Variants in FBLN1 observed in about 807,000 individuals in gnomAD.
FBLN1 encodes fibulin-1.
Under a neutral mutation model 89.7 loss-of-function variants are expected in FBLN1, and 34 were observed. The ratio of observed to expected loss-of-function variants is 0.38; its 90% CI spans 0.29 to 0.50. FBLN1 has a LOEUF of 0.50. Ranked by LOEUF, FBLN1 falls within the 20% of genes least tolerant of loss-of-function variation. The probability of loss-of-function intolerance (pLI) is 0.92; values close to 1 mark genes in which losing one functional copy is unlikely to be tolerated. For missense variants in FBLN1, 777 were observed against 988.1 expected, an observed-to-expected ratio of 0.79 and a Z score of 2.86; for synonymous variants, 393 against 391.3, an observed-to-expected ratio of 1.00 and a Z score of -0.05.
chr22:45,579,942 CGAGCCCAGCCT>C lies in FBLN1; in HGVS notation c.1972+2837_1972+2847del, dbSNP rs2089029008. On this transcript the variant is annotated intron_variant, in intron 16 of 16. Coordinates refer to ENST00000327858, the MANE Select transcript of FBLN1 (RefSeq NM_006486.3). The surrounding 1 kb of genome is among the most constrained non-coding windows in gnomAD (Gnocchi z 5.5). ...TAATAGATGGTTCCACCGTTGGACTCGAGCCCAGCCTGAAGCAGCCCTGAAAACGTGGGGTT... is the reference window on the plus strand; with the variant it reads ...TAATAGATGGTTCCACCGTTGGACTCGAAGCAGCCCTGAAAACGTGGGGTT... Among the ~76,000 whole-genome samples the C allele has an allele frequency of 6.6e-6, 1 of 152,012 alleles. No individual in the cohort carries two copies. Among genetic ancestry groups the C allele is most frequent in the South Asian group, 2.1e-4 (1 of 4,818 alleles).
chr22:45,526,248 G>C (rs1038081224), intron 3 of FBLN1, among the ~76,000 whole-genome samples: 4 of 152,350 alleles, frequency 2.6e-5, no homozygotes, highest in Non-Finnish European at 5.9e-5. Flanking sequence ...AAGGTAAGCT[G>C]TGAATAAATG....
At chr22:45,569,084 G>A (rs111867867) in intron 14 of FBLN1, among the ~76,000 whole-genome samples, 208 of 152,276 alleles carry the variant, frequency 1.4e-3, no homozygotes, top group African/African-American at 4.5e-3. Context: ...TGCAATGACC[G>A]TAGTTTCCAG....
In FBLN1 at chr22:45,562,989, C is replaced by G; in HGVS notation, c.1698-11522C>G. ...CTGAGAATAACCTACTACCACCTCT[C>G]TTTCCCCACCAACATCCAAGCGCCC... On this transcript the variant is annotated intron_variant, in intron 14 of 16. Coordinates refer to ENST00000327858, the MANE Select transcript of FBLN1 (RefSeq NM_006486.3). This position sits in a 1 kb window ranked among gnomAD's most constrained non-coding sequence, Gnocchi z 7.8. 6.2e-7 allele frequency: 1 copy of G among 1,613,920 alleles called. No individual in the cohort carries two copies. The highest frequency in any genetic ancestry group is 8.5e-7 in the Non-Finnish European group (1 of 1,180,020).
intron 14 of FBLN1, among the ~76,000 whole-genome samples, chr22:45,573,761 G>T (rs914581887): frequency 2.0e-5 from 3 of 151,950 alleles, no homozygotes; most frequent in Non-Finnish European, 4.4e-5. Flanking sequence ...TGCAGGAGGG[G>T]TTGAGTTCTG....
At chr22:45,548,271 G>A (rs910273068) in intron 12 of FBLN1, among the ~76,000 whole-genome samples, 13 of 152,106 alleles carry the variant, frequency 8.5e-5, no homozygotes, top group African/African-American at 2.2e-4. Context: ...GGCTGGTCTC[G>A]AACTCCTGGG....
At chr22:45,543,936 G>C (rs948374006) in intron 11 of FBLN1, among the ~76,000 whole-genome samples, 1 of 152,196 alleles carries the variant, frequency 6.6e-6, no homozygotes, top group African/African-American at 2.4e-5. Context: ...ACAGTGTGTG[G>C]GTTTTAATCA....
intron 11 of FBLN1, 66 bp from the exon 12 acceptor site, chr22:45,547,019 C>T: frequency 6.2e-7 from 1 of 1,611,358 alleles, no homozygotes; most frequent in Non-Finnish European, 8.5e-7. Flanking sequence ...TTCACTGACC[C>T]TGAGGGCTAC....
Position 45,523,272 on chromosome 22 carries a change from A to C in FBLN1, c.186-2271A>C, listed in dbSNP as rs557917046. ...CAACGGCCAGTCCCAGGGAGGAAGC[A>C]CCAGATACAAGGGTAACCAGGTGGC... is the stretch of plus-strand genomic sequence containing the variant. On this transcript the variant is annotated intron_variant, in intron 2 of 16. Coordinates refer to ENST00000327858, the MANE Select transcript of FBLN1 (RefSeq NM_006486.3). 5.9e-6 allele frequency: 4 copies of C among 677,616 alleles called. No homozygotes were observed. In the African/African-American group the frequency reaches 7.0e-5, roughly 12 times the overall value. The allele number at this position is 677,616 out of a possible 1,614,324, so 42.0% of individuals were successfully genotyped here.
intron 16 of FBLN1, among the ~76,000 whole-genome samples, chr22:45,589,473 C>T (rs974529636): frequency 2.6e-5 from 4 of 152,198 alleles, no homozygotes; most frequent in African/African-American, 4.8e-5. Context: ...TCTGCAGATT[C>T]GCGAGCCTCT....
In FBLN1 at chr22:45,532,903, G is replaced by T; in HGVS notation, c.545-160G>T. Reference sequence around the variant, plus strand: ...GGGGTGTCCAGAGCCAGAGCCTGGGGGTCTCCCAGTAGGGCAGCAGGTGGG... The same window carrying T: ...GGGGTGTCCAGAGCCAGAGCCTGGGTGTCTCCCAGTAGGGCAGCAGGTGGG... On this transcript the variant is annotated intron_variant, in intron 5 of 16. Transcript: ENST00000327858. The surrounding 1 kb of genome is among the most constrained non-coding windows in gnomAD (Gnocchi z 4.2). 2 of 672,196 alleles carry T rather than the reference G, an allele frequency of 3.0e-6. No individual in the cohort carries two copies. Among genetic ancestry groups the T allele is most frequent in the South Asian group, 1.7e-5 (1 of 58,586 alleles). 41.6% of individuals were successfully genotyped at this position (672,196 alleles called of 1,614,324 possible). A position where few individuals can be genotyped will look rare whatever the true frequency, so the allele number is the denominator to read the frequency against.
rs530723990 is a variant in FBLN1 at position 45,581,197 on chromosome 22, G to C, written c.1972+4089G>C. ...GTATCATCAGCGTGCGGAAGAGAGA[G>C]ACAGAAAGGCAACTCGAGGCCACCC... On this transcript the variant is annotated intron_variant, in intron 16 of 16. Transcript: ENST00000327858. The surrounding 1 kb of genome is among the most constrained non-coding windows in gnomAD (Gnocchi z 7.6). 6.6e-6 allele frequency among the ~76,000 whole-genome samples: 1 copy of C among 152,146 alleles called. No individual in the cohort carries two copies. The highest frequency in any genetic ancestry group is 1.5e-5 in the Non-Finnish European group (1 of 68,022).
chr22:45,522,562 T>G (rs144679616), intron 2 of FBLN1, among the ~76,000 whole-genome samples: 7 of 152,176 alleles, frequency 4.6e-5, no homozygotes, highest in Non-Finnish European at 7.3e-5. Context: ...TCCGCAACCA[T>G]GGGCTGTAGC....
At chr22:45,516,976 T>G (rs1300838322) in intron 1 of FBLN1, among the ~76,000 whole-genome samples, 1 of 152,216 alleles carries the variant, frequency 6.6e-6, no homozygotes, top group African/African-American at 2.4e-5. Flanking sequence ...TTCTGCAAGT[T>G]TCCCCTCCTC....
rs528978436 is a variant in FBLN1, at chr22:45,529,151, G to A, written c.484+1142G>A. ...GTCTGATGCTGAAGATCGCACAGCC[G>A]ACACGTGGAGGAGGGAGAGCCTGGC... On this transcript the variant is annotated intron_variant, in intron 4 of 16. Transcript: ENST00000327858. Among the ~76,000 whole-genome samples, 26 of 152,344 alleles carry A rather than the reference G, an allele frequency of 1.7e-4. No individual in the cohort carries two copies. In the South Asian group the frequency reaches 5.4e-3, roughly 32 times the overall value.
intron 16 of FBLN1, among the ~76,000 whole-genome samples, chr22:45,589,424 G>T (rs2089116863): frequency 6.6e-6 from 1 of 152,196 alleles, no homozygotes; most frequent in Admixed American, 6.5e-5. Flanking sequence ...TAGCGTAGGT[G>T]TATCGTAAAT....
At position 45,531,264 on chromosome 22, in the gene FBLN1, G is replaced by A; in HGVS notation, c.485-1G>A. The A allele has an allele frequency of 6.2e-7, 1 of 1,613,862 alleles. No individual in the cohort carries two copies. The highest frequency in any genetic ancestry group is 8.5e-7 in the Non-Finnish European group (1 of 1,179,792). ...TCTGACTTGGTCTTTTTCCCCCTTA[G>A]ATAAGATCATTGAGGTTGAGGAGGA... is the stretch of plus-strand genomic sequence containing the variant. On this transcript the variant is annotated splice_acceptor_variant, in intron 4 of 16. Coordinates refer to ENST00000327858, the MANE Select transcript of FBLN1 (RefSeq NM_006486.3). LOFTEE classifies it high-confidence loss of function. This position sits in a 1 kb window ranked among gnomAD's most constrained non-coding sequence, Gnocchi z 4.9.
intron 16 of FBLN1, among the ~76,000 whole-genome samples, chr22:45,584,968 T>C (rs1268143103): frequency 6.6e-6 from 1 of 152,256 alleles, no homozygotes; most frequent in East Asian, 1.9e-4. Flanking sequence ...GGCCCTGCAC[T>C]GGGTACTGCA....
intron 2 of FBLN1, among the ~76,000 whole-genome samples, chr22:45,521,749 C>T (rs1201454596): frequency 3.9e-5 from 6 of 152,098 alleles, no homozygotes; most frequent in African/African-American, 1.4e-4. Context: ...GGTCAGAGCT[C>T]CTGTCTGGTT....
At chr22:45,586,427 G>A (rs1226433389) in intron 16 of FBLN1, among the ~76,000 whole-genome samples, 1 of 152,250 alleles carries the variant, frequency 6.6e-6, no homozygotes, top group Non-Finnish European at 1.5e-5. Flanking sequence ...TAGCGCAGGT[G>A]AGACAATGCA....
Sources: allele counts gnomAD v4.1 joint callset (sites outside exome capture counted in the v4.1 genomes callset), GRCh38; gene constraint gnomAD v4.1.1; non-coding constraint Gnocchi (gnomAD v3.1); transcripts MANE v1.5; gene names NCBI Gene and HGNC (gene_info 2026-07-23, HGNC 2026-07-21).